MMP26: variants seen among roughly 807,000 people sequenced by gnomAD.
MMP26 encodes the protein matrix metallopeptidase 26.
MMP26 carries 33 observed loss-of-function variants against 31.0 expected under a neutral mutation model. The observed-to-expected ratio is 1.06, with a 90% CI of 0.81 to 1.42. The LOEUF (loss-of-function observed/expected upper bound fraction) is 1.42, where lower values mean the gene tolerates loss of function less well. Ranked by LOEUF, MMP26 falls within the 40% of genes most tolerant of loss-of-function variation. MMP26 has a pLI of 0.00. For missense variants in MMP26, 347 were observed against 316.1 expected (o/e 1.10, Z -0.74); for synonymous variants, 122 against 114.9 (o/e 1.06, Z -0.40).
chr11:4,714,915 C>G lies in MMP26; in HGVS notation c.-217+9870C>G, dbSNP rs919907654. On this transcript the variant is annotated intron_variant, in intron 1 of 7. Transcript: ENST00000380390. ...AAACCCCAAATCTCTCTCTCTCTCTCTCTCTCACACACACACACACACACA... is the reference window on the plus strand; with the variant it reads ...AAACCCCAAATCTCTCTCTCTCTCTGTCTCTCACACACACACACACACACA... Among the ~76,000 whole-genome samples the G allele has an allele frequency of 8.2e-5, 11 of 134,020 alleles. No individual in the cohort carries two copies. In the East Asian group the frequency reaches 1.8e-3, roughly 22 times the overall value. The allele number at this position is 134,020 out of a possible 152,430, so 87.9% of individuals were successfully genotyped here. A position where few individuals can be genotyped will look rare whatever the true frequency, so the allele number is the denominator to read the frequency against.
chr11:4,852,439 G>T (rs1849988316), intron 2 of MMP26, among the ~76,000 whole-genome samples: 1 of 152,100 alleles, frequency 6.6e-6, no homozygotes, highest in African/African-American at 2.4e-5. Flanking sequence ...ACTGTAGGCT[G>T]GGAGGCAAAA....
intron 2 of MMP26, among the ~76,000 whole-genome samples, chr11:4,823,571 C>G (rs890259585): frequency 2.0e-5 from 3 of 152,100 alleles, no homozygotes; most frequent in East Asian, 1.9e-4. Flanking sequence ...TATTTTCCTC[C>G]TTTTCCAGAA....
At position 4,908,132 on chromosome 11, in the gene MMP26, A is replaced by G. The variant is rs144609747; in HGVS notation, c.-144-79936A>G. 10,213 of 1,614,134 alleles carry G rather than the reference A, an allele frequency of 6.3e-3. 44 individuals are homozygous for G. Among genetic ancestry groups the G allele is most frequent in the Non-Finnish European group, 7.8e-3 (9,147 of 1,180,024 alleles). On this transcript the variant is annotated intron_variant, in intron 2 of 7. Coordinates refer to ENST00000380390, the MANE Select transcript of MMP26 (RefSeq NM_021801.5). ...TGTGCTCACCTTCTATGTGCCCATC[A>G]TCACCCTGGCTGCCATGCATCACTT...
intron 2 of MMP26, among the ~76,000 whole-genome samples, chr11:4,864,826 G>T (rs1232092195): frequency 6.6e-6 from 1 of 152,050 alleles, no homozygotes; most frequent in Non-Finnish European, 1.5e-5. Flanking sequence ...ATTTCAGAAA[G>T]ACTCCTATAT....
intron 2 of MMP26, among the ~76,000 whole-genome samples, chr11:4,791,330 C>T (rs113237651): frequency 6.6e-6 from 1 of 152,170 alleles, no homozygotes; most frequent in Non-Finnish European, 1.5e-5. Flanking sequence ...TGCTGATTGA[C>T]ATCTTATCCA....
chr11:4,822,687 A>C (rs922693804), intron 2 of MMP26, among the ~76,000 whole-genome samples: 2 of 152,196 alleles, frequency 1.3e-5, no homozygotes, highest in African/African-American at 4.8e-5. Context: ...TAATGTGAGA[A>C]ACTTTCTAAA....
chr11:4,816,981 C>T (rs546810339), intron 2 of MMP26, among the ~76,000 whole-genome samples: 2 of 151,544 alleles, frequency 1.3e-5, no homozygotes, highest in Non-Finnish European at 2.9e-5. Flanking sequence ...AAGTGGGGTG[C>T]CTTCTTTTGT....
intron 2 of MMP26, among the ~76,000 whole-genome samples, chr11:4,784,566 A>G (rs1378177241): frequency 1.3e-5 from 2 of 152,216 alleles, no homozygotes; most frequent in Non-Finnish European, 2.9e-5. Context: ...ATAAAAGCTG[A>G]GATTAGCATC....
At chr11:4,966,748 T>G (rs1589820795) in intron 2 of MMP26, among the ~76,000 whole-genome samples, 1 of 152,206 alleles carries the variant, frequency 6.6e-6, no homozygotes, top group African/African-American at 2.4e-5. Context: ...ATTTTGTTCA[T>G]TAAGGACAAG....
intron 2 of MMP26, among the ~76,000 whole-genome samples, chr11:4,961,461 T>C (rs535105940): frequency 3.7e-4 from 57 of 152,290 alleles, no homozygotes; most frequent in African/African-American, 1.3e-3. Context: ...TCCAAAATAA[T>C]ATTTTACCAG....
At chr11:4,770,608 G>A (rs1264595395) in intron 2 of MMP26, among the ~76,000 whole-genome samples, 1 of 152,168 alleles carries the variant, frequency 6.6e-6, no homozygotes, top group Non-Finnish European at 1.5e-5. Flanking sequence ...CACTTTGGAG[G>A]CAGAGGTGGG....
At chr11:4,988,027 C>T in intron 2 of MMP26, 41 bp from the exon 3 acceptor site, 1 of 631,354 alleles carries the variant, frequency 1.6e-6, no homozygotes. Flanking sequence ...TCCATGGCTG[C>T]TTTTGTCACC....
rs555685773 is a variant in MMP26 at position 4,759,531 on chromosome 11, A to G, written c.-216-7739A>G. 4.6e-5 allele frequency among the ~76,000 whole-genome samples: 7 copies of G among 152,298 alleles called. No individual in the cohort carries two copies. In the East Asian group the frequency reaches 9.7e-4, roughly 21 times the overall value. ...ATTGAGTGCCTACTTTGCACACTTA[A>G]CCCTCAAAATAACCTTTTATTTTCA... is the stretch of plus-strand genomic sequence containing the variant. On this transcript the variant is annotated intron_variant, in intron 1 of 7. Transcript: ENST00000380390.
At chr11:4,992,191 G>GTT (rs5789346) in intron 7 of MMP26, 23 bp from the exon 8 acceptor site, 43,758 of 1,291,156 alleles carry the variant, frequency 0.034, no homozygotes, top group South Asian at 0.053. Context: ...ATTTACTGTT[G>GTT]TTTTTTTTTT....
chr11:4,955,551 G>T (rs531127344), intron 2 of MMP26: 2 of 1,353,168 alleles, frequency 1.5e-6, no homozygotes, highest in African/African-American at 1.5e-5. Context: ...TGCAAGGAGG[G>T]CTCTGTCTTG....
chr11:4,920,555 A>G (rs1055892267), intron 2 of MMP26, among the ~76,000 whole-genome samples: 1 of 152,190 alleles, frequency 6.6e-6, no homozygotes, highest in African/African-American at 2.4e-5. Context: ...AAGTGCTCAG[A>G]ATATTATGGA....
chr11:4,974,464 T>C (rs557185406), intron 2 of MMP26, among the ~76,000 whole-genome samples: 29 of 152,204 alleles, frequency 1.9e-4, no homozygotes, highest in African/African-American at 7.0e-4. Flanking sequence ...TACGTTGTCA[T>C]TCTTTATAGA....
intron 2 of MMP26, among the ~76,000 whole-genome samples, chr11:4,974,173 G>A (rs1846704534): frequency 6.6e-6 from 1 of 151,980 alleles, no homozygotes; most frequent in Non-Finnish European, 1.5e-5. Context: ...CTGATCAACT[G>A]AGATAATTAT....
At chr11:4,943,604 G>A in intron 2 of MMP26, 1 of 394,886 alleles carries the variant, frequency 2.5e-6, no homozygotes, top group Non-Finnish European at 5.1e-6. Flanking sequence ...GTGGAAGTCA[G>A]TGACACACCC....
Sources: allele counts gnomAD v4.1 joint callset (sites outside exome capture counted in the v4.1 genomes callset), GRCh38; gene constraint gnomAD v4.1.1; transcripts MANE v1.5; gene names NCBI Gene and HGNC (gene_info 2026-07-23, HGNC 2026-07-21).